The following KIRREL1 variants were observed in gnomAD, a reference collection of about 807,000 sequenced individuals.
The protein encoded by KIRREL1 is kirre like nephrin family adhesion molecule 1, also known as kin of IRRE-like protein 1.
KIRREL1 carries 25 observed loss-of-function variants against 83.3 expected under a neutral mutation model. That is an observed-to-expected ratio of 0.30 (90% confidence interval 0.22 to 0.42). KIRREL1 has a LOEUF of 0.42. Ranked by LOEUF, KIRREL1 falls within the 10% of genes least tolerant of loss-of-function variation. The probability of loss-of-function intolerance (pLI) is 1.00; values close to 1 mark genes in which losing one functional copy is unlikely to be tolerated. For synonymous variants in KIRREL1, 388 were observed against 410.4 expected (o/e 0.95, Z 0.66); for missense variants, 812 against 1,032.3 (o/e 0.79, Z 2.92).
intron 1 of KIRREL1, among the ~76,000 whole-genome samples, chr1:158,069,508 G>A (rs1420354368): frequency 6.6e-6 from 1 of 152,184 alleles, no homozygotes; most frequent in Non-Finnish European, 1.5e-5. Flanking sequence ...CCCTGATGAG[G>A]ATGGAGCAGG....
At chr1:158,039,244 C>T (rs777590278) in intron 1 of KIRREL1, among the ~76,000 whole-genome samples, 3 of 152,130 alleles carry the variant, frequency 2.0e-5, no homozygotes, top group East Asian at 1.9e-4. Context: ...GAATTGTCCA[C>T]GAAGAGGAGC....
chr1:158,078,149 C>G lies in KIRREL1; in HGVS notation c.352+9C>G, dbSNP rs1661742088. ...CAAACTCACCGTGCTCAGTAAGGAC[C>G]CCAATACCCTTCAGTACTTCGAGGC... On this transcript the variant is annotated intron_variant, in intron 3 of 14. Coordinates refer to ENST00000359209, the MANE Select transcript of KIRREL1 (RefSeq NM_018240.7). The G allele has an allele frequency of 6.2e-7, 1 of 1,612,848 alleles. No homozygotes were observed. The highest frequency in any genetic ancestry group is 1.3e-5 in the African/African-American group (1 of 74,908).
At chr1:158,081,480 G>A (rs945702883) in intron 3 of KIRREL1, among the ~76,000 whole-genome samples, 3 of 152,172 alleles carry the variant, frequency 2.0e-5, no homozygotes, top group Non-Finnish European at 4.4e-5. Context: ...GCAAAATCAG[G>A]GGAGTAGGTG....
Position 158,095,515 on chromosome 1 carries a change from G to C in KIRREL1, c.*395G>C. The C allele has an allele frequency of 5.6e-6, 1 of 177,094 alleles. No individual in the cohort carries two copies. The highest frequency in any genetic ancestry group is 1.2e-5 in the Non-Finnish European group (1 of 85,114). 11.0% of individuals were successfully genotyped at this position (177,094 alleles called of 1,614,324 possible). A position where few individuals can be genotyped will look rare whatever the true frequency, so the allele number is the denominator to read the frequency against. ...AGGGATGGGCAGGCTTTGGCCTAGG[G>C]ACATGAAGTATGGGAGTGGGTGGCT... On this transcript the variant is annotated 3_prime_UTR_variant, in exon 15 of 15. Coordinates refer to ENST00000359209, the MANE Select transcript of KIRREL1 (RefSeq NM_018240.7).
intron 1 of KIRREL1, among the ~76,000 whole-genome samples, chr1:158,026,745 G>T (rs890452708): frequency 6.6e-6 from 1 of 152,174 alleles, no homozygotes; most frequent in Non-Finnish European, 1.5e-5. Flanking sequence ...CAGTCTCACA[G>T]CTAAGATGTG....
intron 1 of KIRREL1, among the ~76,000 whole-genome samples, chr1:158,010,328 C>T (rs1300763006): frequency 3.0e-4 from 10 of 33,568 alleles, no homozygotes; most frequent in Admixed American, 9.6e-4. Flanking sequence ...CCACCATAAA[C>T]ACACACACAC....
intron 1 of KIRREL1, among the ~76,000 whole-genome samples, chr1:158,010,390 CATGCAT>C (rs1275845516): frequency 1.6e-5 from 2 of 121,334 alleles, no homozygotes; most frequent in African/African-American, 6.5e-5. Flanking sequence ...ATGTCACACA[CATGCAT>C]ACACACACAC....
chr1:158,040,962 AG>A (rs969814707), intron 1 of KIRREL1, among the ~76,000 whole-genome samples: 2 of 151,376 alleles, frequency 1.3e-5, no homozygotes, highest in Non-Finnish European at 2.9e-5. Context: ...CTCTAGGGGT[AG>A]GGGGAGCTGG....
At chr1:158,056,590 C>T (rs1328806001) in intron 1 of KIRREL1, among the ~76,000 whole-genome samples, 1 of 152,220 alleles carries the variant, frequency 6.6e-6, no homozygotes, top group Non-Finnish European at 1.5e-5. Context: ...CACCCTCAAC[C>T]ACCTCTCCCT....
At chr1:158,080,042 C>T (rs974648528) in intron 3 of KIRREL1, among the ~76,000 whole-genome samples, 1 of 152,150 alleles carries the variant, frequency 6.6e-6, no homozygotes, top group African/African-American at 2.4e-5. Flanking sequence ...TGAGGTTAGA[C>T]AGCAAAAATT....
At chr1:158,004,767 A>G (rs2101626434) in intron 1 of KIRREL1, among the ~76,000 whole-genome samples, 3 of 152,166 alleles carry the variant, frequency 2.0e-5, no homozygotes, top group Admixed American at 2.0e-4. Context: ...AACATGGTGA[A>G]ACACCGTCTC....
intron 1 of KIRREL1, among the ~76,000 whole-genome samples, chr1:158,031,659 A>C (rs1278814192): frequency 1.3e-5 from 2 of 152,226 alleles, no homozygotes; most frequent in East Asian, 1.9e-4. Context: ...CCTGGCAGCA[A>C]ATTCCTGAGG....
intron 1 of KIRREL1, among the ~76,000 whole-genome samples, chr1:158,054,660 G>A (rs7530900): frequency 6.6e-6 from 1 of 152,064 alleles, no homozygotes; most frequent in Non-Finnish European, 1.5e-5. Flanking sequence ...CTCCCTGGCA[G>A]TAAGTGGCAG....
intron 1 of KIRREL1, among the ~76,000 whole-genome samples, chr1:158,054,621 G>A (rs751689336): frequency 6.6e-6 from 1 of 152,018 alleles, no homozygotes; most frequent in Non-Finnish European, 1.5e-5. Context: ...GGGGAAACAG[G>A]GCCTACAGCT....
intron 1 of KIRREL1, among the ~76,000 whole-genome samples, chr1:158,069,344 G>GT (rs1558009729): frequency 1.1e-4 from 15 of 136,950 alleles, no homozygotes; most frequent in African/African-American, 4.1e-4. Flanking sequence ...GTGTGTGTGT[G>GT]AATCTAAGCA....
chr1:158,073,485 A>G (rs74120549), intron 1 of KIRREL1, among the ~76,000 whole-genome samples: 16,252 of 152,282 alleles, frequency 0.11, 980 homozygotes, highest in African/African-American at 0.15. Context: ...TTACTTTGAC[A>G]GCAATCCAGA....
chr1:158,084,895 T>C (rs905064957), intron 4 of KIRREL1, among the ~76,000 whole-genome samples: 3 of 152,218 alleles, frequency 2.0e-5, no homozygotes, highest in African/African-American at 7.2e-5. Flanking sequence ...TTAATCTTCA[T>C]AGGAGTCCCA....
chr1:158,099,469 CTG>C lies in KIRREL1; in HGVS notation c.*4350_*4351del, dbSNP rs1479909277. 1 of 151,982 alleles carries C rather than the reference CTG, an allele frequency of 6.6e-6. No individual in the cohort carries two copies. Among genetic ancestry groups the C allele is most frequent in the Non-Finnish European group, 1.5e-5 (1 of 68,068 alleles). 9.4% of individuals were successfully genotyped at this position (151,982 alleles called of 1,614,324 possible). On this transcript the variant is annotated 3_prime_UTR_variant, in exon 15 of 15. Coordinates refer to ENST00000359209, the MANE Select transcript of KIRREL1 (RefSeq NM_018240.7). ...TTCACCTCTGGGCTGCTGGAGAGGA[CTG>C]AGAGATGTGTGGTTTGGTAGGAAGG...
chr1:158,097,292 G>T lies in KIRREL1; in HGVS notation c.*2172G>T, dbSNP rs540867217. 1.5e-4 allele frequency: 48 copies of T among 318,558 alleles called. No homozygotes were observed. Among genetic ancestry groups the T allele is most frequent in the African/African-American group, 9.5e-4 (44 of 46,176 alleles). The allele number at this position is 318,558 out of a possible 1,614,324, so 19.7% of individuals were successfully genotyped here. The stretch of plus-strand genomic sequence containing the variant: ...CCATGGGGGAATCCAAAGACTTGAA[G>T]TCTAAAGATGGTGGCTTTTAAAACA... On this transcript the variant is annotated 3_prime_UTR_variant, in exon 15 of 15. Coordinates refer to ENST00000359209, the MANE Select transcript of KIRREL1 (RefSeq NM_018240.7).
Sources: gnomAD v4.1 joint callset for allele counts (sites outside exome capture counted in the v4.1 genomes callset) on GRCh38, gnomAD v4.1.1 for gene constraint, MANE v1.5 for transcripts, NCBI Gene and HGNC (gene_info 2026-07-23, HGNC 2026-07-21) for gene names.